Variants in PCDHA2 observed in about 807,000 individuals in gnomAD.
PCDHA2 encodes protocadherin alpha 2.
In PCDHA2, 58 loss-of-function variants were observed where a neutral mutation model predicts 66.0. The observed-to-expected ratio is 0.88, with a 90% CI of 0.71 to 1.09. PCDHA2 has a LOEUF of 1.09. PCDHA2 is among the 50% of genes least tolerant of loss of function. The pLI, the probability that PCDHA2 is intolerant of heterozygous loss-of-function variation, is 0.00. For synonymous variants in PCDHA2, 634 were observed against 554.0 expected, an observed-to-expected ratio of 1.14 and a Z score of -2.03; for missense variants, 1,267 against 1,242.3, an observed-to-expected ratio of 1.02 and a Z score of -0.30.
chr5:140,809,782 T>G (rs1554125356), intron 1 of PCDHA2: 4 of 502,500 alleles, frequency 8.0e-6, no homozygotes, highest in African/African-American at 3.9e-5. Flanking sequence ...CAATGCATAT[T>G]AACAGAACTG....
At chr5:140,802,510 C>A in intron 1 of PCDHA2, 1 of 1,614,190 alleles carries the variant, frequency 6.2e-7, no homozygotes, top group African/African-American at 1.3e-5. Context: ...CTGTGGGCCA[C>A]GGCCAGCGTG....
chr5:140,850,169 G>C (rs2150470473), intron 1 of PCDHA2: 7 of 1,594,740 alleles, frequency 4.4e-6, no homozygotes, highest in Non-Finnish European at 6.0e-6. Context: ...TGCTGGACGA[G>C]AACGACAATG....
chr5:141,002,679 G>A (rs1554258764), intron 3 of PCDHA2, among the ~76,000 whole-genome samples: 1 of 152,134 alleles, frequency 6.6e-6, no homozygotes, highest in Non-Finnish European at 1.5e-5. Context: ...AAACCTATAC[G>A]ACGTGCAGAT....
At chr5:140,909,574 T>G (rs1363183074) in intron 1 of PCDHA2, among the ~76,000 whole-genome samples, 1 of 152,134 alleles carries the variant, frequency 6.6e-6, no homozygotes, top group Non-Finnish European at 1.5e-5. Flanking sequence ...TCCAGAGATG[T>G]GATATGTTTT....
intron 1 of PCDHA2, chr5:140,843,908 G>T: frequency 1.6e-6 from 1 of 638,262 alleles, no homozygotes. Context: ...TCCACAAGTT[G>T]GGTCTATCTT....
chr5:140,848,521 C>T lies in PCDHA2; in HGVS notation c.2388+51169C>T, dbSNP rs2150411815. The T allele has an allele frequency of 1.3e-6, 2 of 1,592,868 alleles. 1 individual carries two copies. The highest frequency in any genetic ancestry group is 1.7e-6 in the Non-Finnish European group (2 of 1,164,010). On this transcript the variant is annotated intron_variant, in intron 1 of 3. Coordinates refer to ENST00000526136, the MANE Select transcript of PCDHA2 (RefSeq NM_018905.3). Reference sequence around the variant, plus strand: ...ATGTTATACTCAAGTCGAGGAGATCCAGAGGGTCAGCCTCTACTGCTCTCG... The same window carrying T: ...ATGTTATACTCAAGTCGAGGAGATCTAGAGGGTCAGCCTCTACTGCTCTCG...
chr5:140,858,354 C>A lies in PCDHA2; in HGVS notation c.2388+61002C>A, dbSNP rs782580844. On this transcript the variant is annotated intron_variant, in intron 1 of 3. Coordinates refer to ENST00000526136, the MANE Select transcript of PCDHA2 (RefSeq NM_018905.3). ...GGCCTGCCCAAGGCGGACCTCATGG[C>A]CTTCAGCCCCAGCCTTCCACCATGC... is the stretch of plus-strand genomic sequence containing the variant. 66 of 1,593,208 alleles carry A rather than the reference C, an allele frequency of 4.1e-5. 1 individual carries two copies. In the East Asian group the frequency reaches 1.4e-3, roughly 34 times the overall value.
intron 1 of PCDHA2, among the ~76,000 whole-genome samples, chr5:140,898,648 G>T (rs1436511217): frequency 8.5e-5 from 13 of 152,136 alleles, no homozygotes; most frequent in African/African-American, 3.1e-4. Context: ...TGTTCTTTTG[G>T]CTTAGGATTG....
Position 141,011,476 on chromosome 5 carries a change from A to G in PCDHA2, c.*1539A>G, listed in dbSNP as rs2098420741. On this transcript the variant is annotated 3_prime_UTR_variant, in exon 4 of 4. Coordinates refer to ENST00000526136, the MANE Select transcript of PCDHA2 (RefSeq NM_018905.3). ...CTTTATTGTTGAATGTAATTCCATT[A>G]TATTTCCTTTTGTACACCTGTGAAA... 1 of 153,776 alleles carries G rather than the reference A, an allele frequency of 6.5e-6. No homozygotes were observed. 9.5% of individuals were successfully genotyped at this position (153,776 alleles called of 1,614,324 possible). A position where few individuals can be genotyped will look rare whatever the true frequency, so the allele number is the denominator to read the frequency against.
intron 1 of PCDHA2, among the ~76,000 whole-genome samples, chr5:140,799,428 C>G (rs541986774): frequency 6.6e-6 from 1 of 152,138 alleles, no homozygotes; most frequent in East Asian, 1.9e-4. Context: ...TAGCTACCAT[C>G]TTTAAAAATT....
intron 1 of PCDHA2, chr5:140,967,118 C>T: frequency 6.2e-7 from 1 of 1,612,940 alleles, no homozygotes; most frequent in Non-Finnish European, 8.5e-7. Context: ...GCCTCGCTGC[C>T]TGCTCAGCTT....
chr5:140,912,794 C>T (rs1554195532), intron 1 of PCDHA2, among the ~76,000 whole-genome samples: 1 of 151,998 alleles, frequency 6.6e-6, no homozygotes, highest in South Asian at 2.1e-4. Context: ...TGCCAATTTT[C>T]TTGAGGGTTT....
chr5:140,822,419 A>C, intron 1 of PCDHA2: 21 of 1,614,096 alleles, frequency 1.3e-5, no homozygotes, highest in Non-Finnish European at 1.8e-5. Flanking sequence ...ATTGCAACTG[A>C]TGGAGGAAAA....
At position 140,828,503 on chromosome 5, in the gene PCDHA2, C is replaced by G. The variant is rs1165644843; in HGVS notation, c.2388+31151C>G. ...CCCGCCCTTGTTCCCGGTAGAGGAA[C>G]AAAGAGTGCTGATTTACGAATCTAG... On this transcript the variant is annotated intron_variant, in intron 1 of 3. Coordinates refer to ENST00000526136, the MANE Select transcript of PCDHA2 (RefSeq NM_018905.3). 1.5e-5 allele frequency: 25 copies of G among 1,614,120 alleles called. No homozygotes were observed. In the Admixed American group the frequency reaches 3.7e-4, roughly 24 times the overall value.
chr5:140,817,601 C>T (rs1766165103), intron 1 of PCDHA2: 2 of 152,202 alleles, frequency 1.3e-5, no homozygotes, highest in Admixed American at 1.3e-4. Flanking sequence ...CCAGGCAACG[C>T]TAAGACCTTG....
intron 1 of PCDHA2, among the ~76,000 whole-genome samples, chr5:140,951,667 C>T (rs180768474): frequency 6.6e-6 from 1 of 152,156 alleles, no homozygotes; most frequent in African/African-American, 2.4e-5. Context: ...GGCCTGCCTA[C>T]AAAATTGGGG....
intron 3 of PCDHA2, among the ~76,000 whole-genome samples, chr5:140,985,532 G>C (rs1358120172): frequency 6.6e-6 from 1 of 152,072 alleles, no homozygotes; most frequent in African/African-American, 2.4e-5. Flanking sequence ...AAAGCTTCAC[G>C]GTGAAGATGC....
chr5:140,931,585 A>G (rs1170746678), intron 1 of PCDHA2, among the ~76,000 whole-genome samples: 2 of 152,056 alleles, frequency 1.3e-5, no homozygotes, highest in Non-Finnish European at 2.9e-5. Context: ...ATTCAGTTGA[A>G]CAGTCTTTTT....
At chr5:140,817,029 A>T (rs2126677120) in intron 1 of PCDHA2, 5 of 152,076 alleles carry the variant, frequency 3.3e-5, no homozygotes, top group Non-Finnish European at 7.4e-5. Flanking sequence ...TGAGAGAGAG[A>T]GTGCTGAGCT....
Sources: allele counts gnomAD v4.1 joint callset (sites outside exome capture counted in the v4.1 genomes callset), GRCh38; gene constraint gnomAD v4.1.1; transcripts MANE v1.5; gene names NCBI Gene and HGNC (gene_info 2026-07-23, HGNC 2026-07-21).